The following GPC5 variants were observed in gnomAD, a reference collection of about 807,000 sequenced individuals.
The protein encoded by GPC5 is glypican-5.
Under a neutral mutation model 53.9 loss-of-function variants are expected in GPC5, and 47 were observed. The ratio of observed to expected loss-of-function variants is 0.87; its 90% CI spans 0.69 to 1.11. The LOEUF (loss-of-function observed/expected upper bound fraction) is 1.11, where lower values mean the gene tolerates loss of function less well. GPC5 is among the 50% of genes most tolerant of loss of function. The pLI is 0.00. For synonymous variants in GPC5, 286 were observed against 263.3 expected, an observed-to-expected ratio of 1.09 and a Z score of -0.84; for missense variants, 748 against 713.1, an observed-to-expected ratio of 1.05 and a Z score of -0.56.
intron 4 of GPC5, among the ~76,000 whole-genome samples, chr13:91,751,978 C>T (rs2037187416): frequency 6.6e-6 from 1 of 152,158 alleles, no homozygotes; most frequent in African/African-American, 2.4e-5. Context: ...AAATGAATTT[C>T]CTCAATAGTT....
intron 7 of GPC5, among the ~76,000 whole-genome samples, chr13:92,648,426 A>AG (rs34293542): frequency 0.56 from 84,861 of 151,798 alleles, 27,617 homozygotes; most frequent in Non-Finnish European, 0.75. Context: ...ATTCAATATT[A>AG]GGCATATTTT....
intron 7 of GPC5, among the ~76,000 whole-genome samples, chr13:92,335,272 G>A (rs2043314362): frequency 6.6e-6 from 1 of 152,144 alleles, no homozygotes; most frequent in African/African-American, 2.4e-5. Context: ...AGCTGCCAAG[G>A]CTTGGGGCTT....
At chr13:92,823,471 C>T (rs1877742578) in intron 7 of GPC5, among the ~76,000 whole-genome samples, 1 of 151,870 alleles carries the variant, frequency 6.6e-6, no homozygotes, top group Admixed American at 6.6e-5. Context: ...CTTGAGTGAC[C>T]AGGAAAAGAA....
At chr13:92,551,796 A>G (rs1470426553) in intron 7 of GPC5, among the ~76,000 whole-genome samples, 1 of 151,706 alleles carries the variant, frequency 6.6e-6, no homozygotes, top group African/African-American at 2.4e-5. Context: ...GAATTATGAA[A>G]CTCTCCATGG....
At chr13:91,911,310 G>A (rs1239470933) in intron 6 of GPC5, among the ~76,000 whole-genome samples, 2 of 152,048 alleles carry the variant, frequency 1.3e-5, no homozygotes, top group Admixed American at 6.6e-5. Context: ...TTGGGAGGCC[G>A]AGGAGGGTGG....
At chr13:92,643,428 G>A (rs1444865051) in intron 7 of GPC5, among the ~76,000 whole-genome samples, 4 of 149,156 alleles carry the variant, frequency 2.7e-5, no homozygotes, top group Non-Finnish European at 4.5e-5. Context: ...ACATGCACAC[G>A]TATGTTTATT....
chr13:92,861,087 A>G (rs1471705501), intron 7 of GPC5, among the ~76,000 whole-genome samples: 1 of 152,126 alleles, frequency 6.6e-6, no homozygotes, highest in Non-Finnish European at 1.5e-5. Flanking sequence ...AAATTTATAT[A>G]CATTAAGTGC....
chr13:91,399,494 A>G (rs887676811), intron 1 of GPC5, among the ~76,000 whole-genome samples: 5 of 152,198 alleles, frequency 3.3e-5, no homozygotes, highest in Admixed American at 6.5e-5. Context: ...GAACCAGGAA[A>G]GCAGACATCA....
At chr13:91,579,689 C>T (rs368776406) in intron 2 of GPC5, among the ~76,000 whole-genome samples, 8 of 136,298 alleles carry the variant, frequency 5.9e-5, no homozygotes, top group East Asian at 2.2e-4. Context: ...AGTGAAGAGG[C>T]GCGATCTCGG....
intron 7 of GPC5, among the ~76,000 whole-genome samples, chr13:92,620,230 T>C (rs1312905578): frequency 6.6e-6 from 1 of 151,610 alleles, no homozygotes; most frequent in African/African-American, 2.4e-5. Context: ...AACTAGAAAC[T>C]CAAGAAAAAA....
chr13:91,674,811 A>G (rs2035343821), intron 2 of GPC5, among the ~76,000 whole-genome samples: 2 of 151,648 alleles, frequency 1.3e-5, no homozygotes, highest in African/African-American at 2.4e-5. Flanking sequence ...CATTCCTGTC[A>G]GTGGAGTAAA....
At chr13:92,005,484 A>C (rs1028539948) in intron 6 of GPC5, among the ~76,000 whole-genome samples, 1 of 152,162 alleles carries the variant, frequency 6.6e-6, no homozygotes, top group Admixed American at 6.5e-5. Flanking sequence ...TGTCTTACAC[A>C]GACGTCATAG....
intron 6 of GPC5, among the ~76,000 whole-genome samples, chr13:91,919,897 A>T (rs1851454912): frequency 6.6e-6 from 1 of 152,214 alleles, no homozygotes; most frequent in African/African-American, 2.4e-5. Flanking sequence ...GCAGAAAATT[A>T]AATGACTCTT....
intron 7 of GPC5, among the ~76,000 whole-genome samples, chr13:92,852,860 G>T (rs1305793034): frequency 6.6e-6 from 1 of 152,112 alleles, no homozygotes; most frequent in Non-Finnish European, 1.5e-5. Context: ...GAGTCACCTG[G>T]ACTAAAAGGG....
chr13:91,504,247 A>G (rs934944267), intron 2 of GPC5, among the ~76,000 whole-genome samples: 2 of 152,100 alleles, frequency 1.3e-5, no homozygotes, highest in East Asian at 3.8e-4. Context: ...GTAAAGCACA[A>G]AAGGGTACTG....
At chr13:92,187,466 T>A (rs149255371) in intron 7 of GPC5, among the ~76,000 whole-genome samples, 1 of 152,304 alleles carries the variant, frequency 6.6e-6, no homozygotes, top group African/African-American at 2.4e-5. Flanking sequence ...TATGATAGGG[T>A]GAATGAAGTC....
At chr13:92,600,907 G>A (rs1367985952) in intron 7 of GPC5, among the ~76,000 whole-genome samples, 1 of 151,990 alleles carries the variant, frequency 6.6e-6, no homozygotes, top group Non-Finnish European at 1.5e-5. Flanking sequence ...CCTTGGCCCT[G>A]AACTCCTCTA....
chr13:91,457,930 C>T (rs772491546), intron 2 of GPC5, among the ~76,000 whole-genome samples: 1 of 151,960 alleles, frequency 6.6e-6, no homozygotes, highest in Non-Finnish European at 1.5e-5. Context: ...AACAAAGATC[C>T]CTGTCTTGAT....
chr13:91,976,664 C>G (rs150054108), intron 6 of GPC5, among the ~76,000 whole-genome samples: 25 of 152,278 alleles, frequency 1.6e-4, no homozygotes, highest in African/African-American at 6.0e-4. Flanking sequence ...TGGCGAGTTT[C>G]AGTTCCTTGA....
Sources: allele counts gnomAD v4.1 joint callset (sites outside exome capture counted in the v4.1 genomes callset), GRCh38; gene constraint gnomAD v4.1.1; transcripts MANE v1.5; gene names NCBI Gene and HGNC (gene_info 2026-07-23, HGNC 2026-07-21).